DOT1L: variants seen among roughly 807,000 people sequenced by gnomAD.
The protein encoded by DOT1L is DOT1 like histone lysine methyltransferase.
Under a neutral mutation model 153.3 loss-of-function variants are expected in DOT1L, and 33 were observed. That is an observed-to-expected ratio of 0.22 (90% CI 0.16 to 0.29). DOT1L has a LOEUF of 0.29. Ranked by LOEUF, DOT1L falls within the 10% of genes least tolerant of loss-of-function variation. The pLI is 1.00. For synonymous variants in DOT1L, 1,135 were observed against 965.1 expected (o/e 1.18, Z -3.26); for missense variants, 1,847 against 2,119.9 (o/e 0.87, Z 2.53).
intron 22 of DOT1L, among the ~76,000 whole-genome samples, chr19:2,219,618 T>C (rs1165712448): frequency 2.0e-5 from 3 of 152,184 alleles, no homozygotes; most frequent in African/African-American, 4.8e-5. Context: ...CTTTGGCCCA[T>C]GTGGGAGTGG....
intron 9 of DOT1L, 66 bp from the exon 10 acceptor site, chr19:2,206,663 C>T: frequency 3.9e-6 from 6 of 1,523,994 alleles, no homozygotes; most frequent in Non-Finnish European, 5.5e-6. Flanking sequence ...TCTCTGTCAC[C>T]TTGAGTGGTG....
intron 7 of DOT1L, among the ~76,000 whole-genome samples, chr19:2,199,203 T>G (rs900326036): frequency 3.3e-5 from 5 of 152,244 alleles, no homozygotes; most frequent in Non-Finnish European, 7.3e-5. Flanking sequence ...GGAGGTGGAC[T>G]GGCGTCGGGC....
intron 20 of DOT1L, 35 bp downstream of exon 20, chr19:2,216,800 G>A (rs1303837811): frequency 6.4e-7 from 1 of 1,565,156 alleles, no homozygotes; most frequent in Non-Finnish European, 8.6e-7. Context: ...GTCTGCAGCT[G>A]GTACCTGCCG....
At chr19:2,164,352 T>A (rs12985346) in intron 1 of DOT1L, 87 bp downstream of exon 1, 342,647 of 935,540 alleles carry the variant, frequency 0.37, 66,800 homozygotes, top group Non-Finnish European at 0.4. Context: ...CAAGCCGCGC[T>A]CACCGGTCCC....
intron 24 of DOT1L, 103 bp from the exon 25 acceptor site, chr19:2,223,178 A>G (rs935806676): frequency 4.6e-6 from 6 of 1,296,758 alleles, no homozygotes; most frequent in Non-Finnish European, 5.4e-6. Flanking sequence ...TTTCCTCAGG[A>G]GACCCTGGGG....
intron 1 of DOT1L, among the ~76,000 whole-genome samples, chr19:2,166,077 A>T (rs1291524212): frequency 6.8e-6 from 1 of 146,294 alleles, no homozygotes; most frequent in Non-Finnish European, 1.5e-5. Context: ...GCCCACATTT[A>T]TATGTTATGT....
At chr19:2,182,259 T>C (rs1476453401) in intron 2 of DOT1L, among the ~76,000 whole-genome samples, 2 of 151,580 alleles carry the variant, frequency 1.3e-5, no homozygotes, top group Non-Finnish European at 2.9e-5. Flanking sequence ...TAAATAATGC[T>C]CAGCTGGGCA....
intron 2 of DOT1L, among the ~76,000 whole-genome samples, chr19:2,185,366 C>T (rs1207211484): frequency 2.6e-5 from 4 of 152,322 alleles, no homozygotes; most frequent in East Asian, 3.9e-4. Context: ...GTAACAGCTT[C>T]GTGGTAAACA....
chr19:2,188,855 C>T (rs912664419), intron 3 of DOT1L, among the ~76,000 whole-genome samples: 11 of 152,224 alleles, frequency 7.2e-5, no homozygotes, highest in African/African-American at 1.7e-4. Context: ...GCCCCCACCC[C>T]GGAAGCCCCT....
chr19:2,187,894 C>T (rs980529053), intron 3 of DOT1L, among the ~76,000 whole-genome samples: 3 of 150,378 alleles, frequency 2.0e-5, no homozygotes, highest in Non-Finnish European at 4.4e-5. Context: ...CGCACTCCAG[C>T]CTGGGTGACA....
intron 9 of DOT1L, among the ~76,000 whole-genome samples, 170 bp downstream of exon 9, chr19:2,202,949 T>G (rs2023349588): frequency 6.6e-6 from 1 of 152,062 alleles, no homozygotes; most frequent in Non-Finnish European, 1.5e-5. Context: ...ATTGAGACAG[T>G]TTTCCTCTGT....
intron 27 of DOT1L, chr19:2,228,839 G>C: frequency 1.0e-6 from 1 of 985,450 alleles, no homozygotes; most frequent in South Asian, 4.7e-5. Flanking sequence ...AGAGGTCCTG[G>C]AGAGCCAGGG....
At position 2,220,420 on chromosome 19, in the gene DOT1L, CA is replaced by C. The variant is rs1390213123; in HGVS notation, c.2806+199del. 5 of 684,500 alleles carry C rather than the reference CA, an allele frequency of 7.3e-6. No individual in the cohort carries two copies. The highest frequency in any genetic ancestry group is 1.1e-5 in the Non-Finnish European group (4 of 375,480). The allele number at this position is 684,500 out of a possible 1,614,324, so 42.4% of individuals were successfully genotyped here. On this transcript the variant is annotated intron_variant, in intron 23 of 27. Coordinates refer to ENST00000398665, the MANE Select transcript of DOT1L (RefSeq NM_032482.3). The surrounding 1 kb of genome is among the most constrained non-coding windows in gnomAD (Gnocchi z 4.5). The stretch of plus-strand genomic sequence containing the variant: ...GATGCGGATCGGGCTCAGCTGCAGC[CA>C]TCTCGGCCTCATACCTGGGTCTCCC...
intron 1 of DOT1L, among the ~76,000 whole-genome samples, chr19:2,168,045 C>T (rs1448273273): frequency 6.6e-6 from 1 of 152,156 alleles, no homozygotes; most frequent in East Asian, 1.9e-4. Context: ...GCAGCTGCAG[C>T]AGCACATTTA....
At chr19:2,205,183 G>T (rs1419503219) in intron 9 of DOT1L, among the ~76,000 whole-genome samples, 6 of 152,114 alleles carry the variant, frequency 3.9e-5, no homozygotes, top group African/African-American at 1.2e-4. Flanking sequence ...GTGTTAGCCA[G>T]GATGGTCTCG....
At chr19:2,199,045 G>C (rs1347964730) in intron 7 of DOT1L, among the ~76,000 whole-genome samples, 1 of 152,222 alleles carries the variant, frequency 6.6e-6, no homozygotes, top group African/African-American at 2.4e-5. Flanking sequence ...CTTTTGTGTG[G>C]ACATGTTTTT....
At chr19:2,200,126 C>T (rs1035741442) in intron 8 of DOT1L, among the ~76,000 whole-genome samples, 187 bp downstream of exon 8, 10 of 152,104 alleles carry the variant, frequency 6.6e-5, no homozygotes, top group Non-Finnish European at 2.9e-5. Context: ...GCAGAGCAGA[C>T]GTGCCCAGCA....
chr19:2,227,707 T>C (rs1198244229), intron 27 of DOT1L: 3 of 1,300,900 alleles, frequency 2.3e-6, no homozygotes. Context: ...TGCCGCTTGT[T>C]GAAGCTGCGT....
In DOT1L at chr19:2,227,072, G is replaced by T; in HGVS notation, c.4551G>T (p.Leu1517=). The part of the protein sequence containing the change: ...LVHVSSAATR[L]TNSHAMGSFS... ...ACGTGTCGTCCGCTGCCACCAGACTGACCAACTCGCACGCCATGGGCAGCT... is the reference window on the plus strand; with the variant it reads ...ACGTGTCGTCCGCTGCCACCAGACTTACCAACTCGCACGCCATGGGCAGCT... Residue 1517 remains leucine, a synonymous_variant, in exon 27 of 28, where the codon CTG becomes CTT. Coordinates refer to ENST00000398665, the MANE Select transcript of DOT1L (RefSeq NM_032482.3). The T allele has an allele frequency of 6.4e-7, 1 of 1,569,200 alleles. No individual in the cohort carries two copies. Among genetic ancestry groups the T allele is most frequent in the South Asian group, 1.1e-5 (1 of 87,900 alleles).
Sources: gnomAD v4.1 joint callset for allele counts (sites outside exome capture counted in the v4.1 genomes callset) on GRCh38, gnomAD v4.1.1 for gene constraint, Gnocchi (gnomAD v3.1) non-coding constraint, MANE v1.5 for transcripts, NCBI Gene and HGNC (gene_info 2026-07-23, HGNC 2026-07-21) for gene names.